PEAK1: variants seen among roughly 807,000 people sequenced by gnomAD.
The protein encoded by PEAK1 is inactive tyrosine-protein kinase PEAK1.
PEAK1 carries 54 observed loss-of-function variants against 124.7 expected under a neutral mutation model. The ratio of observed to expected loss-of-function variants is 0.43; its 90% CI spans 0.35 to 0.54. PEAK1 has a LOEUF of 0.54. Ranked by LOEUF, PEAK1 falls within the 20% of genes least tolerant of loss-of-function variation. The pLI, the probability that PEAK1 is intolerant of heterozygous loss-of-function variation, is 0.01. For missense variants in PEAK1, 2,046 were observed against 2,134.5 expected, an observed-to-expected ratio of 0.96 and a Z score of 0.82; for synonymous variants, 719 against 760.0, an observed-to-expected ratio of 0.95 and a Z score of 0.89.
At position 77,131,330 on chromosome 15, in the gene PEAK1, TAAAAATAC is replaced by T. The variant is rs568653604; in HGVS notation, c.4077+1667_4077+1674del. The stretch of plus-strand genomic sequence containing the variant: ...CAACACGGTGAAACCCCGTGTCTAC[TAAAAATAC>T]AAAAATTAGCTGGGCATGGTGGTGC... On this transcript the variant is annotated intron_variant, in intron 9 of 9. Coordinates refer to ENST00000682557, the MANE Select transcript of PEAK1 (RefSeq NM_001385026.1). Among the ~76,000 whole-genome samples, 971 of 152,170 alleles carry T rather than the reference TAAAAATAC, an allele frequency of 6.4e-3. 9 individuals are homozygous for T. The highest frequency in any genetic ancestry group is 8.7e-3 in the Non-Finnish European group (593 of 68,006).
chr15:77,313,676 G>A lies in PEAK1; in HGVS notation c.-602-27172C>T, dbSNP rs1261376444. ...TATGTGTGTGTGTGTGTGTGTGTGT[G>A]TGTGTGTGTGTGTGTGTATATATAT... On this transcript the variant is annotated intron_variant, in intron 2 of 9. Coordinates refer to ENST00000682557, the MANE Select transcript of PEAK1 (RefSeq NM_001385026.1). Among the ~76,000 whole-genome samples the A allele has an allele frequency of 2.6e-3, 307 of 117,718 alleles. 11 individuals carry two copies. Among genetic ancestry groups the A allele is most frequent in the African/African-American group, 0.011 (279 of 25,122 alleles). The allele number at this position is 117,718 out of a possible 152,430, so 77.2% of individuals were successfully genotyped here. A position where few individuals can be genotyped will look rare whatever the true frequency, so the allele number is the denominator to read the frequency against.
chr15:77,319,158 T>C (rs2065049193), intron 2 of PEAK1, among the ~76,000 whole-genome samples: 1 of 152,100 alleles, frequency 6.6e-6, no homozygotes, highest in Non-Finnish European at 1.5e-5. Context: ...CCTTTTAAAC[T>C]ATTCTTACAG....
intron 7 of PEAK1, among the ~76,000 whole-genome samples, chr15:77,166,089 G>A (rs969083777): frequency 1.3e-5 from 2 of 152,148 alleles, no homozygotes; most frequent in African/African-American, 2.4e-5. Context: ...GATTACAGAT[G>A]TATTTTACTT....
chr15:77,356,056 G>T, intron 2 of PEAK1: 2 of 487,976 alleles, frequency 4.1e-6, no homozygotes, highest in Non-Finnish European at 5.3e-6. Context: ...ACACGACCTG[G>T]CCCCAAACGT....
chr15:77,137,975 C>G (rs1488696324), intron 8 of PEAK1, among the ~76,000 whole-genome samples: 1 of 152,088 alleles, frequency 6.6e-6, no homozygotes, highest in Non-Finnish European at 1.5e-5. Context: ...GTGAGTAAGT[C>G]TCACAAGATC....
chr15:77,329,415 T>C (rs763755934), intron 2 of PEAK1, among the ~76,000 whole-genome samples: 2 of 152,180 alleles, frequency 1.3e-5, no homozygotes, highest in Non-Finnish European at 2.9e-5. Context: ...TGTTTAGGAA[T>C]GCAATCAAAT....
intron 7 of PEAK1, among the ~76,000 whole-genome samples, chr15:77,163,380 CA>C (rs1403754355): frequency 4.6e-5 from 7 of 152,154 alleles, no homozygotes; most frequent in Middle Eastern, 3.2e-3. Context: ...GTTATATAAA[CA>C]AATCCCTTGG....
intron 2 of PEAK1, chr15:77,332,130 ATAT>A: frequency 2.2e-6 from 2 of 890,382 alleles, no homozygotes; most frequent in African/African-American, 1.8e-5. Flanking sequence ...TCTCAAAAAA[ATAT>A]AAAAATAAAT....
At chr15:77,355,847 T>C (rs1257690445) in intron 2 of PEAK1, 13 of 985,080 alleles carry the variant, frequency 1.3e-5, no homozygotes, top group African/African-American at 3.5e-5. Context: ...CCTCCCAGAA[T>C]ATCAGCCCTG....
chr15:77,407,942 T>TACACATATAC (rs1171475364), intron 1 of PEAK1, among the ~76,000 whole-genome samples: 1,599 of 81,634 alleles, frequency 0.02, 17 homozygotes, highest in Middle Eastern at 0.042. Context: ...CACACATATA[T>TACACATATAC]ACACATATAC....
At chr15:77,155,598 T>TC (rs936053446) in intron 8 of PEAK1, 2 of 152,240 alleles carry the variant, frequency 1.3e-5, no homozygotes, top group African/African-American at 4.8e-5. Context: ...CTCTGTTTTT[T>TC]CCCCATCTTT....
chr15:77,258,272 T>G (rs1425731585), intron 5 of PEAK1, among the ~76,000 whole-genome samples: 1 of 152,184 alleles, frequency 6.6e-6, no homozygotes, highest in Admixed American at 6.5e-5. Flanking sequence ...AGAAAGTCAT[T>G]GGTAGCTTGA....
chr15:77,346,073 G>A (rs1294692346), intron 2 of PEAK1: 3 of 985,210 alleles, frequency 3.0e-6, no homozygotes, highest in African/African-American at 1.7e-5. Context: ...AGAGTTAATC[G>A]AAGGCACAAC....
intron 6 of PEAK1, among the ~76,000 whole-genome samples, chr15:77,229,584 T>C (rs1456047501): frequency 6.6e-6 from 1 of 152,128 alleles, no homozygotes; most frequent in South Asian, 2.1e-4. Context: ...TGACCAGAGG[T>C]ATCTGATTCC....
At chr15:77,159,284 T>C (rs1567045396) in intron 7 of PEAK1, among the ~76,000 whole-genome samples, 1 of 152,194 alleles carries the variant, frequency 6.6e-6, no homozygotes, top group South Asian at 2.1e-4. Flanking sequence ...CCTTTGCCTG[T>C]CTGCATGCAG....
chr15:77,390,863 C>A (rs796204217), intron 1 of PEAK1, among the ~76,000 whole-genome samples: 38 of 152,316 alleles, frequency 2.5e-4, no homozygotes, highest in African/African-American at 8.7e-4. Context: ...GGACAATAAA[C>A]TGTCAACTTT....
intron 5 of PEAK1, among the ~76,000 whole-genome samples, chr15:77,265,043 T>G (rs868462116): frequency 0.017 from 2,620 of 152,062 alleles, 65 homozygotes; most frequent in African/African-American, 0.054. Flanking sequence ...GGGAAAACTG[T>G]CTAGCCATAT....
chr15:77,148,770 A>G (rs1281850973), intron 8 of PEAK1, among the ~76,000 whole-genome samples: 1 of 151,946 alleles, frequency 6.6e-6, no homozygotes, highest in African/African-American at 2.4e-5. Flanking sequence ...AAAAAATTAA[A>G]AAATTAGCTG....
At chr15:77,127,273 T>C (rs1429918110) in intron 9 of PEAK1, among the ~76,000 whole-genome samples, 2 of 152,222 alleles carry the variant, frequency 1.3e-5, no homozygotes, top group East Asian at 1.9e-4. Flanking sequence ...CCAGCCTCCA[T>C]AACTGTGAGA....
Sources: allele counts gnomAD v4.1 joint callset (sites outside exome capture counted in the v4.1 genomes callset), GRCh38; gene constraint gnomAD v4.1.1; transcripts MANE v1.5; gene names NCBI Gene and HGNC (gene_info 2026-07-23, HGNC 2026-07-21).